The following SLC35F4 variants were observed in gnomAD, a reference collection of about 807,000 sequenced individuals.
The protein encoded by SLC35F4 is chromosome 14 open reading frame 36.
In SLC35F4, 24 loss-of-function variants were observed where a neutral mutation model predicts 44.2. That is an observed-to-expected ratio of 0.54 (90% CI 0.39 to 0.76). SLC35F4 has a LOEUF of 0.76. Ranked by LOEUF, SLC35F4 falls within the 30% of genes least tolerant of loss-of-function variation. SLC35F4 has a pLI of 0.00. For missense variants in SLC35F4, 562 were observed against 586.1 expected, an observed-to-expected ratio of 0.96 and a Z score of 0.42; for synonymous variants, 238 against 223.6, an observed-to-expected ratio of 1.06 and a Z score of -0.57.
In SLC35F4 at chr14:57,569,883, G is replaced by A. The variant is rs1286092574; in HGVS notation, c.1031C>T (p.Thr344Ile). ...CTTGGTGAAATACAAGATGACTGGGGTGAAGGAGATGAAGATCAAATTGAA... is the reference window on the plus strand; with the variant it reads ...CTTGGTGAAATACAAGATGACTGGGATGAAGGAGATGAAGATCAAATTGAA... ...GFFNLIFISF[T>I]PVILYFTKVE... The change falls in exon 6 of 8, where the codon ACC becomes ATC. Residue 344 changes from threonine to isoleucine, a missense_variant. By Grantham distance (89) the Thr-to-Ile change is moderately conservative (BLOSUM62 -1). Transcript: ENST00000556826. 4.3e-6 allele frequency: 7 copies of A among 1,612,494 alleles called. No homozygotes were observed. Among genetic ancestry groups the A allele is most frequent in the East Asian group, 2.2e-5 (1 of 44,772 alleles).
intron 3 of SLC35F4, among the ~76,000 whole-genome samples, chr14:57,587,981 T>C (rs1009114921): frequency 1.3e-5 from 2 of 150,358 alleles, no homozygotes; most frequent in Non-Finnish European, 3.0e-5. Flanking sequence ...AGGCCAGGAG[T>C]TGAAGAGCAG....
chr14:57,731,527 G>A (rs1173754104), intron 1 of SLC35F4, among the ~76,000 whole-genome samples: 1 of 152,094 alleles, frequency 6.6e-6, no homozygotes, highest in South Asian at 2.1e-4. Context: ...AGCATCCAGT[G>A]GCAGACATAT....
chr14:57,565,348 T>G (rs2068153694), intron 7 of SLC35F4, among the ~76,000 whole-genome samples: 2 of 152,216 alleles, frequency 1.3e-5, no homozygotes. Context: ...TCCTTAGATC[T>G]CTCCCCTTAG....
At chr14:57,599,611 G>T (rs2070693664) in intron 1 of SLC35F4, among the ~76,000 whole-genome samples, 1 of 152,026 alleles carries the variant, frequency 6.6e-6, no homozygotes, top group Non-Finnish European at 1.5e-5. Context: ...GGAAGCTGAG[G>T]TAGGTGGATC....
chr14:57,802,074 T>C (rs147904639), intron 1 of SLC35F4, among the ~76,000 whole-genome samples: 3 of 152,264 alleles, frequency 2.0e-5, no homozygotes, highest in Middle Eastern at 3.4e-3. Context: ...AATCACATAA[T>C]TGGAAGTAAA....
chr14:57,948,063 A>G (rs945628551), intron 1 of SLC35F4, among the ~76,000 whole-genome samples: 1 of 152,020 alleles, frequency 6.6e-6, no homozygotes, highest in Admixed American at 6.6e-5. Flanking sequence ...ATGATTTAAG[A>G]AGGATTCCTT....
At chr14:57,683,930 G>A (rs1166407229) in intron 1 of SLC35F4, among the ~76,000 whole-genome samples, 2 of 152,058 alleles carry the variant, frequency 1.3e-5, no homozygotes, top group African/African-American at 4.8e-5. Context: ...ATCTGATGGT[G>A]GGAGTTGTCT....
chr14:57,795,344 G>A (rs1158904801), intron 1 of SLC35F4, among the ~76,000 whole-genome samples: 1 of 152,128 alleles, frequency 6.6e-6, no homozygotes, highest in Non-Finnish European at 1.5e-5. Flanking sequence ...TGGTAGTCTA[G>A]AAGAAGCTGA....
intron 1 of SLC35F4, among the ~76,000 whole-genome samples, chr14:57,860,818 G>A (rs1887619056): frequency 6.6e-6 from 1 of 152,092 alleles, no homozygotes; most frequent in South Asian, 2.1e-4. Flanking sequence ...TCTAATTCAT[G>A]GACCCTACCA....
At chr14:57,903,737 A>G (rs1889055141) in intron 1 of SLC35F4, among the ~76,000 whole-genome samples, 1 of 152,272 alleles carries the variant, frequency 6.6e-6, no homozygotes, top group African/African-American at 2.4e-5. Context: ...GAAATCTAGA[A>G]ATCTCTGACA....
intron 1 of SLC35F4, among the ~76,000 whole-genome samples, chr14:57,836,160 A>G (rs1300913970): frequency 6.6e-6 from 1 of 152,222 alleles, no homozygotes; most frequent in South Asian, 2.1e-4. Flanking sequence ...TGCAGACTTC[A>G]GTAGTTTAAC....
chr14:57,596,777 T>G, intron 1 of SLC35F4: 1 of 1,365,996 alleles, frequency 7.3e-7, no homozygotes, highest in Non-Finnish European at 9.8e-7. Flanking sequence ...TTCACTAAAA[T>G]ATTATGTCCT....
intron 1 of SLC35F4, among the ~76,000 whole-genome samples, chr14:57,748,646 T>C (rs1047039919): frequency 1.3e-5 from 2 of 152,202 alleles, no homozygotes; most frequent in Non-Finnish European, 2.9e-5. Context: ...TTCAGCATTC[T>C]GTCTAGAGTG....
chr14:57,749,188 C>CT (rs963811614), intron 1 of SLC35F4, among the ~76,000 whole-genome samples: 3 of 151,842 alleles, frequency 2.0e-5, no homozygotes, highest in Non-Finnish European at 2.9e-5. Flanking sequence ...TCCAAATGTC[C>CT]TTTTTTTTGT....
intron 5 of SLC35F4, among the ~76,000 whole-genome samples, chr14:57,571,293 T>G (rs566957626): frequency 4.4e-4 from 67 of 152,150 alleles, no homozygotes; most frequent in Middle Eastern, 3.4e-3. Flanking sequence ...GACAGGGAAC[T>G]CCAGTGGAGA....
At chr14:57,931,078 C>T (rs1889688780) in intron 1 of SLC35F4, among the ~76,000 whole-genome samples, 1 of 152,128 alleles carries the variant, frequency 6.6e-6, no homozygotes, top group Non-Finnish European at 1.5e-5. Flanking sequence ...CAACTGTTTT[C>T]ACCTCCCTCA....
intron 3 of SLC35F4, among the ~76,000 whole-genome samples, chr14:57,588,119 A>G (rs1293425446): frequency 6.6e-6 from 1 of 152,186 alleles, no homozygotes; most frequent in East Asian, 1.9e-4. Flanking sequence ...GTGAGCTGAG[A>G]TCGTGCCACT....
chr14:57,608,684 A>T (rs1430958343), intron 1 of SLC35F4, among the ~76,000 whole-genome samples: 1 of 151,322 alleles, frequency 6.6e-6, no homozygotes, highest in African/African-American at 2.4e-5. Flanking sequence ...CAGAAGGAAA[A>T]TGTTGACTGA....
intron 1 of SLC35F4, among the ~76,000 whole-genome samples, chr14:57,959,588 G>T (rs996253466): frequency 2.0e-5 from 3 of 152,118 alleles, no homozygotes; most frequent in Non-Finnish European, 4.4e-5. Flanking sequence ...GAGCTCCCTA[G>T]CCATGACAAA....
Sources: gnomAD v4.1 joint callset for allele counts (sites outside exome capture counted in the v4.1 genomes callset) on GRCh38, gnomAD v4.1.1 for gene constraint, MANE v1.5 for transcripts, NCBI Gene and HGNC (gene_info 2026-07-23, HGNC 2026-07-21) for gene names.